Variants in DMD observed in about 807,000 individuals in gnomAD.
The protein encoded by DMD is mutant dystrophin.
A neutral mutation model predicts 330.1 loss-of-function variants in DMD; 63 were observed. That is an observed-to-expected ratio of 0.19 (90% confidence interval 0.16 to 0.24). The LOEUF is 0.24. Among genes scored for constraint, DMD ranks in the 10% least tolerant of loss-of-function variants. The pLI is 1.00. For missense variants in DMD, 3,344 were observed against 2,684.1 expected (o/e 1.25, Z -5.43); for synonymous variants, 1,223 against 959.8 (o/e 1.27, Z -5.07).
At chrX:31,697,448 T>A (rs1467568212) in intron 52 of DMD, among the ~76,000 whole-genome samples, 1 of 110,860 alleles carries the variant, frequency 9.0e-6, no homozygotes, top group African/African-American at 3.3e-5. Flanking sequence ...TAAAGGGAAA[T>A]AAATAACCAA....
chrX:32,038,669 T>C (rs1723433147), intron 44 of DMD, among the ~76,000 whole-genome samples: 2 of 110,714 alleles, frequency 1.8e-5, no homozygotes, highest in Admixed American at 1.9e-4. Context: ...CACTATACTT[T>C]TTTTTTTTTC....
In DMD at chrX:32,091,237, C is replaced by T. The variant is rs971863785; in HGVS notation, c.6439-122723G>A. 4.5e-5 allele frequency among the ~76,000 whole-genome samples: 5 copies of T among 111,940 alleles called. No individual in the cohort carries two copies. In the Admixed American group the frequency reaches 4.8e-4, roughly 11 times the overall value. On this transcript the variant is annotated intron_variant, in intron 44 of 78. Coordinates refer to ENST00000357033, the MANE Select transcript of DMD (RefSeq NM_004006.3). ...TTTTCAGGACAACATCTCTGTTATC[C>T]TTGAATTGAATTCTTATTCCACACA...
intron 61 of DMD, among the ~76,000 whole-genome samples, chrX:31,332,624 T>C (rs779007102): frequency 8.9e-6 from 1 of 111,782 alleles, no homozygotes; most frequent in South Asian, 3.8e-4. Context: ...GAACCCCTTT[T>C]CTAAGGCTGA....
Position 32,445,975 on chromosome X carries a change from T to G in DMD, c.3786+2481A>C, listed in dbSNP as rs960079988. Among the ~76,000 whole-genome samples the G allele has an allele frequency of 3.6e-5, 4 of 110,365 alleles. No homozygotes were observed. The Admixed American group carries it at 3.9e-4, about 11-fold the overall frequency. On this transcript the variant is annotated intron_variant, in intron 27 of 78. Transcript: ENST00000357033. Reference sequence around the variant, plus strand: ...GGCAGCTGAAGCGAGAATTTGAGAGTTGGAAGACAGATTTTAGAAAAGTAT... The same window carrying G: ...GGCAGCTGAAGCGAGAATTTGAGAGGTGGAAGACAGATTTTAGAAAAGTAT...
chrX:32,779,169 G>A lies in DMD; in HGVS notation c.649+30324C>T, dbSNP rs373889537. On this transcript the variant is annotated intron_variant, in intron 7 of 78. Coordinates refer to ENST00000357033, the MANE Select transcript of DMD (RefSeq NM_004006.3). Reference sequence around the variant, plus strand: ...GAATTATTTCATCATTCCACTGATAGGTGGCACAGTAGCTCACACAATTCC... The same window carrying A: ...GAATTATTTCATCATTCCACTGATAAGTGGCACAGTAGCTCACACAATTCC... Among the ~76,000 whole-genome samples, 10 of 110,271 alleles carry A rather than the reference G, an allele frequency of 9.1e-5. No homozygotes were observed. In the East Asian group the frequency reaches 2.9e-3, roughly 32 times the overall value.
At chrX:31,173,284 T>C (rs775300625) in intron 72 of DMD, among the ~76,000 whole-genome samples, 48 of 111,191 alleles carry the variant, frequency 4.3e-4, no homozygotes, top group African/African-American at 1.5e-3. Context: ...ATGTGCTCAG[T>C]ATAAAAAAAC....
intron 57 of DMD, among the ~76,000 whole-genome samples, chrX:31,485,716 T>C (rs1476934682): frequency 8.9e-6 from 1 of 111,739 alleles, no homozygotes; most frequent in Non-Finnish European, 1.9e-5. Flanking sequence ...GGATTTAGGA[T>C]CATATTACTA....
intron 74 of DMD, among the ~76,000 whole-genome samples, chrX:31,157,268 A>G (rs1420418230): frequency 8.9e-6 from 1 of 112,190 alleles, no homozygotes; most frequent in Non-Finnish European, 1.9e-5. Context: ...TTAATCTTTA[A>G]TGACTGAGAT....
rs144472475 is a variant in DMD at position 32,579,027 on chromosome X, A to C, written c.1603-5181T>G. 4.7e-3 allele frequency among the ~76,000 whole-genome samples: 523 copies of C among 111,352 alleles called. 1 individual carries two copies. The highest frequency in any genetic ancestry group is 7.9e-3 in the Non-Finnish European group (421 of 53,134). ...GCAACTTACTCTTACTGATGTTGAA[A>C]TGGAAATCACATCAAAAACCATTGA... On this transcript the variant is annotated intron_variant, in intron 13 of 78. Coordinates refer to ENST00000357033, the MANE Select transcript of DMD (RefSeq NM_004006.3).
intron 11 of DMD, among the ~76,000 whole-genome samples, chrX:32,628,396 G>C (rs2058513344): frequency 2.0e-5 from 2 of 99,981 alleles, no homozygotes; most frequent in South Asian, 1.0e-3. Context: ...GTTGTTGTAA[G>C]TGACTGGATC....
intron 53 of DMD, among the ~76,000 whole-genome samples, chrX:31,663,077 C>T (rs1446954327): frequency 1.8e-5 from 2 of 111,568 alleles, no homozygotes; most frequent in Non-Finnish European, 3.8e-5. Context: ...TGCTAGCTGG[C>T]TTCTAACTAG....
chrX:31,466,701 G>A (rs953562862), intron 59 of DMD, among the ~76,000 whole-genome samples: 4 of 111,730 alleles, frequency 3.6e-5, no homozygotes, highest in African/African-American at 1.3e-4. Flanking sequence ...TGTGAAGAAA[G>A]TCAATGGTAG....
chrX:32,720,627 T>C (rs2147895218), intron 7 of DMD, among the ~76,000 whole-genome samples: 1 of 111,715 alleles, frequency 9.0e-6, no homozygotes, highest in East Asian at 2.8e-4. Context: ...TGTTAAAATC[T>C]GGTCATACAT....
At chrX:32,174,877 C>T (rs57567763) in intron 44 of DMD, among the ~76,000 whole-genome samples, 38,154 of 109,902 alleles carry the variant, frequency 0.35, 5,811 homozygotes, top group African/African-American at 0.57. Context: ...CCTGGCAACA[C>T]GCAATGTTAG....
In DMD at chrX:32,487,143, A is replaced by C. The variant is rs993080959; in HGVS notation, c.2623-2044T>G. Among the ~76,000 whole-genome samples, 3 of 111,556 alleles carry C rather than the reference A, an allele frequency of 2.7e-5. No homozygotes were observed. The East Asian group carries it at 8.4e-4, about 31-fold the overall frequency. ...ATCCAGAATCTACAACGAACTCAAA[A>C]AAATTTACAAGAAAAAAACAAACAA... On this transcript the variant is annotated intron_variant, in intron 20 of 78. Transcript: ENST00000357033.
chrX:33,010,139 TAC>T (rs1284042179), intron 2 of DMD, among the ~76,000 whole-genome samples: 2 of 104,793 alleles, frequency 1.9e-5, no homozygotes, highest in Admixed American at 2.0e-4. Context: ...TATGTATATA[TAC>T]GTGTATATAT....
At chrX:32,872,644 G>C (rs1411840421) in intron 2 of DMD, among the ~76,000 whole-genome samples, 1 of 112,083 alleles carries the variant, frequency 8.9e-6, no homozygotes, top group Non-Finnish European at 1.9e-5. Flanking sequence ...TTCAAGGTAT[G>C]ATCTTAAAAA....
chrX:32,510,844 G>C (rs1409090443), intron 18 of DMD, among the ~76,000 whole-genome samples: 1 of 111,220 alleles, frequency 9.0e-6, no homozygotes. Flanking sequence ...TTCAGCTCAA[G>C]TCCTGATACT....
intron 9 of DMD, among the ~76,000 whole-genome samples, chrX:32,673,569 C>A (rs193054580): frequency 8.9e-6 from 1 of 111,785 alleles, no homozygotes; most frequent in Non-Finnish European, 1.9e-5. Context: ...TACTCCAAAT[C>A]GAATGTTTGT....
Sources: allele counts gnomAD v4.1 joint callset (sites outside exome capture counted in the v4.1 genomes callset), GRCh38; gene constraint gnomAD v4.1.1; transcripts MANE v1.5; gene names NCBI Gene and HGNC (gene_info 2026-07-23, HGNC 2026-07-21).